The following AHI1 variants were observed in gnomAD, a reference collection of about 807,000 sequenced individuals.
AHI1 encodes Abelson helper integration site 1.
In AHI1, 123 loss-of-function variants were observed where a neutral mutation model predicts 149.3. The observed-to-expected ratio is 0.82, with a 90% confidence interval of 0.71 to 0.96. The LOEUF is 0.96. AHI1 is among the 40% of genes least tolerant of loss of function. The pLI is 0.00. For synonymous variants in AHI1, 475 were observed against 459.8 expected, an observed-to-expected ratio of 1.03 and a Z score of -0.42; for missense variants, 1,439 against 1,422.7, an observed-to-expected ratio of 1.01 and a Z score of -0.18.
In AHI1 at chr6:135,355,823, C is replaced by T. The variant is rs144550988; in HGVS notation, c.3165+2309G>A. ...CTGAGGCAGGAGAACTGCTTGAACC[C>T]GGGAGACGGACATTGCAGTGAACTG... On this transcript the variant is annotated intron_variant, in intron 24 of 28. Transcript: ENST00000265602. Among the ~76,000 whole-genome samples the T allele has an allele frequency of 2.6e-3, 391 of 152,238 alleles. 5 individuals are homozygous for T. The highest frequency in any genetic ancestry group is 8.6e-3 in the African/African-American group (357 of 41,532).
At chr6:135,355,772 G>A (rs542608946) in intron 24 of AHI1, among the ~76,000 whole-genome samples, 18 of 152,212 alleles carry the variant, frequency 1.2e-4, no homozygotes, top group African/African-American at 3.9e-4. Context: ...GGTTGTGGAC[G>A]CCTGTAATCC....
At chr6:135,395,758 G>A (rs1156284015) in intron 22 of AHI1, among the ~76,000 whole-genome samples, 2 of 151,644 alleles carry the variant, frequency 1.3e-5, no homozygotes, top group Non-Finnish European at 3.0e-5. Flanking sequence ...TGGAGAAATT[G>A]ACAGTCTGAT....
rs375636346 is a variant in AHI1 at position 135,362,473 on chromosome 6, T to TC, written c.3110-4287dup. Among the ~76,000 whole-genome samples, 612 of 152,300 alleles carry TC rather than the reference T, an allele frequency of 4.0e-3. 1 individual carries two copies. Among genetic ancestry groups the TC allele is most frequent in the African/African-American group, 0.014 (588 of 41,568 alleles). Reference sequence around the variant, plus strand: ...TGTTTTCCATAGTGGTTGTACTAGTTCATGTTCCCACCGGCAATGCAGGGA... The same window carrying TC: ...TGTTTTCCATAGTGGTTGTACTAGTTCCATGTTCCCACCGGCAATGCAGGGA... On this transcript the variant is annotated intron_variant, in intron 23 of 28. Transcript: ENST00000265602.
chr6:135,452,243 G>A (rs1452468977), intron 11 of AHI1, among the ~76,000 whole-genome samples: 1 of 152,128 alleles, frequency 6.6e-6, no homozygotes, highest in Non-Finnish European at 1.5e-5. Context: ...TGAATGAATG[G>A]ATTCACAAAT....
chr6:135,461,836 A>C (rs555671726), intron 8 of AHI1, among the ~76,000 whole-genome samples: 1 of 152,066 alleles, frequency 6.6e-6, no homozygotes, highest in Non-Finnish European at 1.5e-5. Context: ...AGGCACAAGG[A>C]GCACAGTATT....
At chr6:135,468,713 A>G (rs1355006555) in intron 5 of AHI1, among the ~76,000 whole-genome samples, 1 of 152,220 alleles carries the variant, frequency 6.6e-6, no homozygotes, top group Non-Finnish European at 1.5e-5. Context: ...AGAGAATACT[A>G]TAAACAACTC....
intron 27 of AHI1, among the ~76,000 whole-genome samples, chr6:135,298,898 A>T (rs1783503432): frequency 6.6e-6 from 1 of 152,170 alleles, no homozygotes; most frequent in African/African-American, 2.4e-5. Context: ...CATTTGCGTA[A>T]TATTAAGTAA....
At position 135,411,380 on chromosome 6, in the gene AHI1, G is replaced by C. The variant is rs1307676365; in HGVS notation, c.2929C>G (p.Gln977Glu). 1 of 1,613,786 alleles carries C rather than the reference G, an allele frequency of 6.2e-7. No individual in the cohort carries two copies. Residue 977 changes from glutamine to glutamate, a missense_variant, in exon 21 of 29, where the codon CAG becomes GAG. Gln to Glu is a conservative substitution (Grantham distance 29). Coordinates refer to ENST00000265602, the MANE Select transcript of AHI1 (RefSeq NM_001134831.2). The part of the protein sequence containing the change: ...VHTESSSTKM[Q>E]LVKQRLETVT... ...GTTTCAAGCCTCTGTTTTACTAGCT[G>C]CATCTTCGTTGAAGAACTTTCAGTG...
intron 24 of AHI1, among the ~76,000 whole-genome samples, chr6:135,353,731 T>C (rs1463145139): frequency 1.3e-5 from 2 of 152,190 alleles, no homozygotes; most frequent in South Asian, 2.1e-4. Context: ...GATCAGTACA[T>C]TTATGAATAA....
chr6:135,474,953 T>C (rs962088540), intron 5 of AHI1, among the ~76,000 whole-genome samples: 2 of 152,238 alleles, frequency 1.3e-5, no homozygotes, highest in East Asian at 3.8e-4. Context: ...CCTCTTATTT[T>C]ACAGTCTGGA....
intron 11 of AHI1, among the ~76,000 whole-genome samples, chr6:135,449,078 G>C (rs535980733): frequency 1.3e-5 from 2 of 151,968 alleles, no homozygotes; most frequent in East Asian, 3.9e-4. Context: ...GCAGAATCTC[G>C]CTCTGTTATC....
chr6:135,471,394 T>C (rs1791669190), intron 5 of AHI1, among the ~76,000 whole-genome samples: 1 of 152,174 alleles, frequency 6.6e-6, no homozygotes, highest in African/African-American at 2.4e-5. Context: ...TACACTGACA[T>C]TTTCATTACT....
At chr6:135,380,342 C>T (rs1310800270) in intron 23 of AHI1, among the ~76,000 whole-genome samples, 1 of 152,022 alleles carries the variant, frequency 6.6e-6, no homozygotes, top group African/African-American at 2.4e-5. Context: ...ACTATTTATA[C>T]AGCATTTACA....
intron 20 of AHI1, among the ~76,000 whole-genome samples, chr6:135,421,581 C>T (rs1403323993): frequency 6.6e-6 from 1 of 151,980 alleles, no homozygotes; most frequent in Non-Finnish European, 1.5e-5. Flanking sequence ...AATGCCAGCG[C>T]TCTCTTACTC....
At chr6:135,288,570 T>C (rs1781960313) in intron 28 of AHI1, among the ~76,000 whole-genome samples, 1 of 151,942 alleles carries the variant, frequency 6.6e-6, no homozygotes, top group Non-Finnish European at 1.5e-5. Flanking sequence ...TTGATGTATA[T>C]TATATAAACT....
chr6:135,430,157 G>A (rs1784449711), intron 17 of AHI1, among the ~76,000 whole-genome samples, 157 bp from the exon 18 acceptor site: 1 of 151,876 alleles, frequency 6.6e-6, no homozygotes, highest in Admixed American at 6.6e-5. Flanking sequence ...TCAGTTTAGG[G>A]CTGAAAATAA....
chr6:135,416,606 T>C (rs947708735), intron 20 of AHI1, among the ~76,000 whole-genome samples: 4 of 152,156 alleles, frequency 2.6e-5, no homozygotes, highest in Admixed American at 2.6e-4. Flanking sequence ...ATATTATTCA[T>C]TGGAAAAAAT....
At chr6:135,290,150 TTTCCTTTAAA>T (rs1562438333) in intron 28 of AHI1, among the ~76,000 whole-genome samples, 1 of 152,226 alleles carries the variant, frequency 6.6e-6, no homozygotes, top group African/African-American at 2.4e-5. Flanking sequence ...TAGCTTTTTC[TTTCCTTTAAA>T]TTCCAGCTTC....
intron 5 of AHI1, chr6:135,474,537 A>G (rs1792285001): frequency 1.3e-5 from 2 of 151,974 alleles, no homozygotes; most frequent in Non-Finnish European, 2.9e-5. Context: ...TGAGAGTATG[A>G]GTAGAACAAG....
Sources: allele counts gnomAD v4.1 joint callset (sites outside exome capture counted in the v4.1 genomes callset), GRCh38; gene constraint gnomAD v4.1.1; transcripts MANE v1.5; gene names NCBI Gene and HGNC (gene_info 2026-07-23, HGNC 2026-07-21).